The following EFNB2 variants were observed in gnomAD, a reference collection of about 807,000 sequenced individuals.
EFNB2 encodes the protein ephrin-B2.
In EFNB2, 5 loss-of-function variants were observed where a neutral mutation model predicts 32.1. The observed-to-expected ratio is 0.16, with a 90% CI of 0.08 to 0.33. EFNB2 has a LOEUF of 0.33. Ranked by LOEUF, EFNB2 falls within the 10% of genes least tolerant of loss-of-function variation. The pLI, the probability that EFNB2 is intolerant of heterozygous loss-of-function variation, is 1.00. For synonymous variants in EFNB2, 168 were observed against 166.5 expected (o/e 1.01, Z -0.07); for missense variants, 263 against 422.6 (o/e 0.62, Z 3.31).
chr13:106,497,618 G>A (rs891934205), intron 2 of EFNB2, among the ~76,000 whole-genome samples: 1 of 152,102 alleles, frequency 6.6e-6, no homozygotes, highest in Non-Finnish European at 1.5e-5. Flanking sequence ...GTATACGTGT[G>A]CCATGTTGGT....
intron 1 of EFNB2, among the ~76,000 whole-genome samples, chr13:106,533,771 T>C (rs1047716905): frequency 6.6e-6 from 1 of 152,208 alleles, no homozygotes; most frequent in African/African-American, 2.4e-5. Context: ...AATGTCTGCA[T>C]ACTTCTTCTC....
At chr13:106,508,640 C>T (rs1300545965) in intron 2 of EFNB2, among the ~76,000 whole-genome samples, 1 of 152,128 alleles carries the variant, frequency 6.6e-6, no homozygotes, top group East Asian at 1.9e-4. Context: ...TTGATAAGCA[C>T]AAGGTAAGCT....
Position 106,492,927 on chromosome 13 carries a change from C to T in EFNB2, c.*113G>A. On this transcript the variant is annotated 3_prime_UTR_variant, in exon 5 of 5. Transcript: ENST00000646441. This position sits in a 1 kb window ranked among gnomAD's most constrained non-coding sequence, Gnocchi z 5.1. Reference sequence around the variant, plus strand: ...TCTTCCGAGGAGGAGTGTCCCTCTCCCCCGGTGCTGTGCTTCAGTCAATTC... The same window carrying T: ...TCTTCCGAGGAGGAGTGTCCCTCTCTCCCGGTGCTGTGCTTCAGTCAATTC... The T allele has an allele frequency of 2.2e-6, 3 of 1,390,890 alleles. No homozygotes were observed. The highest frequency in any genetic ancestry group is 2.7e-5 in the South Asian group (2 of 74,084). The allele number at this position is 1,390,890 out of a possible 1,614,324, so 86.2% of individuals were successfully genotyped here. A position where few individuals can be genotyped will look rare whatever the true frequency, so the allele number is the denominator to read the frequency against.
intron 1 of EFNB2, among the ~76,000 whole-genome samples, chr13:106,532,940 T>C (rs1203454327): frequency 6.6e-6 from 1 of 152,164 alleles, no homozygotes; most frequent in East Asian, 1.9e-4. Context: ...GTTCTACTTT[T>C]CTTTTTCTCC....
intron 2 of EFNB2, among the ~76,000 whole-genome samples, chr13:106,501,063 A>C (rs2138906767): frequency 6.6e-6 from 1 of 152,336 alleles, no homozygotes; most frequent in African/African-American, 2.4e-5. Context: ...GGAAGCTAAG[A>C]TTTATCTATT....
At chr13:106,534,821 G>A (rs1880009118) in intron 1 of EFNB2, 22 bp downstream of exon 1, 2 of 1,606,252 alleles carry the variant, frequency 1.2e-6, no homozygotes, top group South Asian at 1.1e-5. Flanking sequence ...GGGGACATAG[G>A]GGGATCGCGG....
At chr13:106,523,495 G>A (rs776097080) in intron 1 of EFNB2, among the ~76,000 whole-genome samples, 21 of 152,220 alleles carry the variant, frequency 1.4e-4, no homozygotes, top group Non-Finnish European at 2.9e-4. Flanking sequence ...GAAGGAGGAT[G>A]TGCTGGGGAC....
intron 1 of EFNB2, among the ~76,000 whole-genome samples, chr13:106,523,486 A>G (rs1022134274): frequency 1.3e-5 from 2 of 152,164 alleles, no homozygotes; most frequent in South Asian, 2.1e-4. Flanking sequence ...AAGGAGGAGG[A>G]AGGAGGATGT....
intron 1 of EFNB2, among the ~76,000 whole-genome samples, chr13:106,534,583 C>A (rs1047627987): frequency 6.6e-6 from 1 of 152,134 alleles, no homozygotes; most frequent in African/African-American, 2.4e-5. Flanking sequence ...ACTTGACACC[C>A]GAGCCGATAG....
Position 106,535,064 on chromosome 13 carries a change from C to G in EFNB2, c.-100G>C. On this transcript the variant is annotated 5_prime_UTR_variant, in exon 1 of 5. Transcript: ENST00000646441. ...CTCCGGGGCAGACTGGCGGGGAAGA[C>G]GGCGTGCGCCCGCAGGCAGCTCCGA... The G allele has an allele frequency of 1.3e-6, 2 of 1,499,576 alleles. No individual in the cohort carries two copies. Among genetic ancestry groups the G allele is most frequent in the South Asian group, 1.3e-5 (1 of 79,154 alleles). 92.9% of individuals were successfully genotyped at this position (1,499,576 alleles called of 1,614,324 possible).
rs552380558 is a variant in EFNB2, at chr13:106,490,841, C to T, written c.*2199G>A. The T allele has an allele frequency of 4.6e-5, 7 of 152,500 alleles. No individual in the cohort carries two copies. The East Asian group carries it at 1.3e-3, about 29-fold the overall frequency. 9.4% of individuals were successfully genotyped at this position (152,500 alleles called of 1,614,324 possible). The stretch of plus-strand genomic sequence containing the variant: ...CATACACACACGCACTTTGGACCAA[C>T]ATCATTTCCAGGTTCAGGAAATAGA... On this transcript the variant is annotated 3_prime_UTR_variant, in exon 5 of 5. Transcript: ENST00000646441.
chr13:106,517,505 C>T (rs1380255297), intron 1 of EFNB2: 1 of 152,188 alleles, frequency 6.6e-6, no homozygotes, highest in Non-Finnish European at 1.5e-5. Context: ...TCAGAGCAGG[C>T]TCTCTACTAT....
chr13:106,512,198 T>C (rs1879160629), intron 2 of EFNB2, among the ~76,000 whole-genome samples: 1 of 152,062 alleles, frequency 6.6e-6, no homozygotes, highest in Non-Finnish European at 1.5e-5. Context: ...ATGCACAAGA[T>C]TTACCTATCA....
intron 2 of EFNB2, among the ~76,000 whole-genome samples, chr13:106,499,949 G>A (rs1028961207): frequency 1.3e-5 from 2 of 152,108 alleles, no homozygotes. Context: ...CGTTCACATC[G>A]TCTAAAAGTT....
chr13:106,503,384 A>G (rs1051619375), intron 2 of EFNB2, among the ~76,000 whole-genome samples: 2 of 152,238 alleles, frequency 1.3e-5, no homozygotes, highest in African/African-American at 4.8e-5. Flanking sequence ...TGGTAAAAGA[A>G]TAAGTAACTT....
At chr13:106,499,350 C>T (rs1235797537) in intron 2 of EFNB2, among the ~76,000 whole-genome samples, 5 of 151,882 alleles carry the variant, frequency 3.3e-5, no homozygotes, top group Non-Finnish European at 7.4e-5. Flanking sequence ...GATTAATATT[C>T]TGATTTCTCC....
At chr13:106,530,739 T>G (rs1283223729) in intron 1 of EFNB2, among the ~76,000 whole-genome samples, 2 of 152,194 alleles carry the variant, frequency 1.3e-5, no homozygotes, top group Admixed American at 1.3e-4. Context: ...GAACGCACTC[T>G]AAAACGTCGC....
chr13:106,497,765 T>A (rs1878640151), intron 2 of EFNB2, among the ~76,000 whole-genome samples: 1 of 152,072 alleles, frequency 6.6e-6, no homozygotes, highest in African/African-American at 2.4e-5. Context: ...TTTTCCCTCC[T>A]CCAAATATGT....
chr13:106,530,229 T>C (rs1879827800), intron 1 of EFNB2, among the ~76,000 whole-genome samples: 1 of 152,164 alleles, frequency 6.6e-6, no homozygotes, highest in Admixed American at 6.6e-5. Context: ...TTCTTTGCTG[T>C]TCTTATATTC....
Sources: gnomAD v4.1 joint callset for allele counts (sites outside exome capture counted in the v4.1 genomes callset) on GRCh38, gnomAD v4.1.1 for gene constraint, Gnocchi (gnomAD v3.1) non-coding constraint, MANE v1.5 for transcripts, NCBI Gene and HGNC (gene_info 2026-07-23, HGNC 2026-07-21) for gene names.